The following TTC1 variants were observed in gnomAD, a reference collection of about 807,000 sequenced individuals.
TTC1 encodes the protein tetratricopeptide repeat domain 1.
In TTC1, 31 loss-of-function variants were observed where a neutral mutation model predicts 37.6. The ratio of observed to expected loss-of-function variants is 0.82; its 90% CI spans 0.62 to 1.11. The LOEUF is 1.11. Ranked by LOEUF, TTC1 falls within the 50% of genes most tolerant of loss-of-function variation. The probability of loss-of-function intolerance (pLI) is 0.00; values close to 1 mark genes in which losing one functional copy is unlikely to be tolerated. For missense variants in TTC1, 351 were observed against 339.0 expected (o/e 1.04, Z -0.28); for synonymous variants, 127 against 122.4 (o/e 1.04, Z -0.25).
At chr5:160,028,598 A>C (rs927211038) in intron 2 of TTC1, among the ~76,000 whole-genome samples, 1 of 152,100 alleles carries the variant, frequency 6.6e-6, no homozygotes, top group African/African-American at 2.4e-5. Flanking sequence ...CTCAGCCTCC[A>C]GAGTAGCTGA....
intron 2 of TTC1, among the ~76,000 whole-genome samples, chr5:160,029,866 A>G (rs1241658913): frequency 2.0e-5 from 3 of 152,346 alleles, no homozygotes; most frequent in South Asian, 4.1e-4. Flanking sequence ...GAAATCCTAG[A>G]GAACTCAGTA....
At chr5:160,064,070 A>G (rs1233039959) in intron 7 of TTC1, among the ~76,000 whole-genome samples, 1 of 151,148 alleles carries the variant, frequency 6.6e-6, no homozygotes, top group Non-Finnish European at 1.5e-5. Flanking sequence ...CCAGGTGCAA[A>G]CGATTGTCCT....
intron 5 of TTC1, among the ~76,000 whole-genome samples, chr5:160,044,954 A>C (rs1044499754): frequency 1.3e-5 from 2 of 152,196 alleles, no homozygotes; most frequent in African/African-American, 2.4e-5. Context: ...TATCTGAATG[A>C]AACTCTTTCT....
rs1756484850 is a variant in TTC1 at position 160,010,638 on chromosome 5, A to G, written c.110A>G (p.Lys37Arg). Reference sequence around the variant, plus strand: ...GCTGGCCCTCCAGTTCCTGATCCCAAAAATCAGCATTCCCAGAGTAAGCTG... The same window carrying G: ...GCTGGCCCTCCAGTTCCTGATCCCAGAAATCAGCATTCCCAGAGTAAGCTG... ...ECAGPPVPDP[K>R]NQHSQSKLLR... Residue 37 changes from lysine (K) to arginine (R), a missense_variant, in exon 2 of 8, where the codon AAA becomes AGA. Coordinates refer to ENST00000231238, the MANE Select transcript of TTC1 (RefSeq NM_003314.3). The G allele has an allele frequency of 1.1e-5, 18 of 1,614,044 alleles. No homozygotes were observed. Among genetic ancestry groups the G allele is most frequent in the Non-Finnish European group, 1.5e-5 (18 of 1,179,976 alleles).
rs556169120 is a variant in TTC1 at position 160,018,678 on chromosome 5, A to G, written c.330+7820A>G. On this transcript the variant is annotated intron_variant, in intron 2 of 7. Transcript: ENST00000231238. The stretch of plus-strand genomic sequence containing the variant: ...TCCAAGTGCAGAAGGAAACAGATGG[A>G]TAATTTTAAGCCAGGGAGAGACGGA... Among the ~76,000 whole-genome samples, 93 of 152,344 alleles carry G rather than the reference A, an allele frequency of 6.1e-4. 4 individuals carry two copies. In the South Asian group the frequency reaches 0.019, roughly 32 times the overall value.
At chr5:160,064,264 C>A (rs1455822943) in intron 7 of TTC1, among the ~76,000 whole-genome samples, 2 of 152,178 alleles carry the variant, frequency 1.3e-5, no homozygotes, top group African/African-American at 4.8e-5. Context: ...CCACCACGCC[C>A]ATCCTATATA....
At chr5:160,022,618 G>A (rs1396047868) in intron 2 of TTC1, among the ~76,000 whole-genome samples, 1 of 152,124 alleles carries the variant, frequency 6.6e-6, no homozygotes, top group Non-Finnish European at 1.5e-5. Flanking sequence ...GGGGTACTAT[G>A]TTAGTAAATA....
intron 2 of TTC1, among the ~76,000 whole-genome samples, chr5:160,017,932 TTC>T (rs1406761066): frequency 1.3e-5 from 2 of 152,242 alleles, no homozygotes; most frequent in Non-Finnish European, 2.9e-5. Context: ...AGGGTTTCTG[TTC>T]TCTCATTGGA....
intron 4 of TTC1, among the ~76,000 whole-genome samples, chr5:160,038,034 G>A (rs567713867): frequency 6.6e-6 from 1 of 151,932 alleles, no homozygotes; most frequent in South Asian, 2.1e-4. Context: ...AGGCCCCAGG[G>A]CAGGGTTGCG....
rs868665043 is a variant in TTC1 at position 160,032,422 on chromosome 5, C to T, written c.331-2718C>T. ...TATGTTGTCTTGGCTCTCCAACATCCAACACCCCTTCCTATTTGGAGGAAT... is the reference window on the plus strand; with the variant it reads ...TATGTTGTCTTGGCTCTCCAACATCTAACACCCCTTCCTATTTGGAGGAAT... On this transcript the variant is annotated intron_variant, in intron 2 of 7. Coordinates refer to ENST00000231238, the MANE Select transcript of TTC1 (RefSeq NM_003314.3). 3.9e-5 allele frequency among the ~76,000 whole-genome samples: 6 copies of T among 152,298 alleles called. No individual in the cohort carries two copies. The Middle Eastern group carries it at 0.01, about 259-fold the overall frequency.
intron 2 of TTC1, among the ~76,000 whole-genome samples, chr5:160,015,249 C>A (rs1323821908): frequency 6.6e-6 from 1 of 152,160 alleles, no homozygotes; most frequent in African/African-American, 2.4e-5. Context: ...CGCTCTGTTG[C>A]CCAGGCTGGA....
At chr5:160,028,298 CAAAAAAA>C (rs61408395) in intron 2 of TTC1, among the ~76,000 whole-genome samples, 2 of 79,702 alleles carry the variant, frequency 2.5e-5, no homozygotes, top group Admixed American at 2.4e-4. Flanking sequence ...GACTCCGTCT[CAAAAAAA>C]AAAAAAAAAA....
At position 160,039,970 on chromosome 5, in the gene TTC1, G is replaced by A. The variant is rs186277147; in HGVS notation, c.505-3163G>A. Among the ~76,000 whole-genome samples, 9 of 152,178 alleles carry A rather than the reference G, an allele frequency of 5.9e-5. No homozygotes were observed. The East Asian group carries it at 1.2e-3, about 20-fold the overall frequency. ...GTACAGTCATGAGTCACTTAACAAC[G>A]GGTATACATTCTGAGAAATGTGTTA... On this transcript the variant is annotated intron_variant, in intron 4 of 7. Transcript: ENST00000231238.
chr5:160,060,045 GCTCTCTTGATTTGC>G (rs1311489837), intron 7 of TTC1, among the ~76,000 whole-genome samples: 1 of 152,170 alleles, frequency 6.6e-6, no homozygotes, highest in East Asian at 1.9e-4. Context: ...TCTATGCTGG[GCTCTCTTGATTTGC>G]CTTTTGCTCG....
At chr5:160,045,186 A>G (rs757709427) in intron 5 of TTC1, among the ~76,000 whole-genome samples, 1 of 152,160 alleles carries the variant, frequency 6.6e-6, no homozygotes, top group Non-Finnish European at 1.5e-5. Context: ...TTAGCATGGT[A>G]TGTTGTAAGA....
chr5:160,049,259 ATTATCTG>A (rs1757338780), intron 5 of TTC1, among the ~76,000 whole-genome samples: 3 of 152,196 alleles, frequency 2.0e-5, no homozygotes, highest in Admixed American at 2.0e-4. Flanking sequence ...TTGTTTACAT[ATTATCTG>A]TGCCTGCTCT....
intron 6 of TTC1, among the ~76,000 whole-genome samples, chr5:160,050,519 T>C (rs1031427662): frequency 2.6e-5 from 4 of 152,156 alleles, no homozygotes; most frequent in African/African-American, 9.7e-5. Flanking sequence ...ACATCTGATA[T>C]GTATCCTTTC....
chr5:160,020,912 C>T (rs571203167), intron 2 of TTC1, among the ~76,000 whole-genome samples: 18 of 152,286 alleles, frequency 1.2e-4, no homozygotes, highest in Admixed American at 6.5e-4. Flanking sequence ...CACCCCCTTC[C>T]CCAAGACCCT....
At position 160,010,647 on chromosome 5, in the gene TTC1, A is replaced by G; in HGVS notation, c.119A>G (p.His40Arg). ...GPPVPDPKNQHSQSKLLRDDE... is the reference protein window; with the variant it reads ...GPPVPDPKNQRSQSKLLRDDE... ...CCAGTTCCTGATCCCAAAAATCAGC[A>G]TTCCCAGAGTAAGCTGCTCAGGGAT... The change falls in exon 2 of 8, where the codon CAT becomes CGT. Residue 40 changes from histidine (H) to arginine (R), a missense_variant. By Grantham distance (29) the His-to-Arg change is conservative. Coordinates refer to ENST00000231238, the MANE Select transcript of TTC1 (RefSeq NM_003314.3). 1 of 1,614,070 alleles carries G rather than the reference A, an allele frequency of 6.2e-7. No homozygotes were observed. The highest frequency in any genetic ancestry group is 8.5e-7 in the Non-Finnish European group (1 of 1,179,960).
Sources: gnomAD v4.1 joint callset for allele counts (sites outside exome capture counted in the v4.1 genomes callset) on GRCh38, gnomAD v4.1.1 for gene constraint, MANE v1.5 for transcripts, NCBI Gene and HGNC (gene_info 2026-07-23, HGNC 2026-07-21) for gene names.